The following KAT6B variants were observed in gnomAD, a reference collection of about 807,000 sequenced individuals.
KAT6B encodes histone acetyltransferase KAT6B.
KAT6B carries 10 observed loss-of-function variants against 187.5 expected under a neutral mutation model. That is an observed-to-expected ratio of 0.05 (90% CI 0.03 to 0.09). The LOEUF (loss-of-function observed/expected upper bound fraction) is 0.09. KAT6B is among the 10% of genes least tolerant of loss of function. KAT6B has a pLI of 1.00. For missense variants in KAT6B, 1,952 were observed against 2,558.9 expected (o/e 0.76, Z 5.12); for synonymous variants, 861 against 926.8 (o/e 0.93, Z 1.29).
intron 3 of KAT6B, among the ~76,000 whole-genome samples, chr10:74,941,008 C>CTG (rs1198233680): frequency 6.6e-6 from 1 of 152,180 alleles, no homozygotes; most frequent in African/African-American, 2.4e-5. Context: ...GAGTCAAAGT[C>CTG]TGTGGGTGAG....
chr10:75,008,097 AG>A (rs1214144511), intron 13 of KAT6B, among the ~76,000 whole-genome samples: 1 of 152,210 alleles, frequency 6.6e-6, no homozygotes, highest in African/African-American at 2.4e-5. Flanking sequence ...ACATAATTGA[AG>A]GGTTGTGCGT....
intron 3 of KAT6B, among the ~76,000 whole-genome samples, chr10:74,857,524 C>T (rs149115064): frequency 6.6e-6 from 1 of 152,302 alleles, no homozygotes; most frequent in East Asian, 1.9e-4. Context: ...GCCCTTATCT[C>T]ACAGTCCTTA....
rs1465345668 is a variant in KAT6B, at chr10:75,030,808, A to C, written c.5984A>C (p.Tyr1995Ser). ...NMNTLNAMNG[Y>S]SMSQPMMNSG... ...AACACTCTCAACGCCATGAATGGGT[A>C]CAGCATGTCCCAGCCAATGATGAAC... The change falls in exon 18 of 18, where the codon TAC becomes TCC. Residue 1995 changes from tyrosine to serine, a missense_variant. Tyr to Ser is a moderately radical substitution (Grantham distance 144). Around this residue, in one of 9 missense-constraint regions of KAT6B, gnomAD observed 358 missense variants for 436.3 expected, o/e 0.82. Coordinates refer to ENST00000287239, the MANE Select transcript of KAT6B (RefSeq NM_012330.4). The surrounding 1 kb of genome is among the most constrained non-coding windows in gnomAD (Gnocchi z 4.8). 4 of 1,614,130 alleles carry C rather than the reference A, an allele frequency of 2.5e-6. No homozygotes were observed. The highest frequency in any genetic ancestry group is 2.5e-6 in the Non-Finnish European group (3 of 1,180,052).
chr10:74,935,390 A>AT (rs34132437), intron 3 of KAT6B, among the ~76,000 whole-genome samples: 23 of 148,816 alleles, frequency 1.5e-4, no homozygotes, highest in Non-Finnish European at 2.2e-4. Context: ...TTTTTTTTTC[A>AT]TTTTTTTTTT....
intron 1 of KAT6B, among the ~76,000 whole-genome samples, chr10:74,830,793 T>A (rs1223455389): frequency 7.7e-5 from 7 of 90,492 alleles, no homozygotes; most frequent in African/African-American, 3.2e-4. Context: ...TTTTTTTTTT[T>A]TTTTTTTTTT....
At chr10:74,976,354 A>G (rs1692414628) in intron 8 of KAT6B, 24 bp downstream of exon 8, 5 of 1,595,444 alleles carry the variant, frequency 3.1e-6, no homozygotes, top group East Asian at 2.2e-5. Context: ...CAAAGCTCCA[A>G]CCAAACCTGC....
intron 3 of KAT6B, among the ~76,000 whole-genome samples, chr10:74,863,214 A>G (rs1843313847): frequency 6.6e-6 from 1 of 152,126 alleles, no homozygotes; most frequent in South Asian, 2.1e-4. Context: ...CTACATGTAA[A>G]TATGTATGCT....
intron 3 of KAT6B, among the ~76,000 whole-genome samples, chr10:74,928,826 A>G (rs1305930870): frequency 6.6e-6 from 1 of 152,248 alleles, no homozygotes; most frequent in Non-Finnish European, 1.5e-5. Context: ...ACAGTAAAGT[A>G]ACCCTGAAAT....
chr10:74,917,954 T>G (rs1847816574), intron 3 of KAT6B, among the ~76,000 whole-genome samples: 1 of 152,226 alleles, frequency 6.6e-6, no homozygotes, highest in Admixed American at 6.5e-5. Flanking sequence ...GCTACCTTTT[T>G]TCATTACTTT....
At chr10:74,898,585 C>G (rs944848275) in intron 3 of KAT6B, among the ~76,000 whole-genome samples, 1 of 151,978 alleles carries the variant, frequency 6.6e-6, no homozygotes, top group African/African-American at 2.4e-5. Flanking sequence ...GGGCGTTAGT[C>G]TCATGCAGTT....
chr10:74,960,888 C>T (rs912053855), intron 4 of KAT6B, among the ~76,000 whole-genome samples: 1 of 152,256 alleles, frequency 6.6e-6, no homozygotes, highest in Admixed American at 6.5e-5. Context: ...GATTGCTGCA[C>T]GTAATTTAAA....
At chr10:74,977,587 C>G (rs548562560) in intron 9 of KAT6B, 150 bp downstream of exon 9, 4 of 1,004,884 alleles carry the variant, frequency 4.0e-6, no homozygotes, top group Non-Finnish European at 4.6e-6. Flanking sequence ...ACTGACTGTA[C>G]ATTCAAAAGC....
chr10:74,854,031 A>G lies in KAT6B; in HGVS notation c.621+10553A>G, dbSNP rs190246624. ...TTCTTGGCCCTGTGCCTTAAACTACAGTAGATTAGGTGAAACTGTTCTCTG... is the reference window on the plus strand; with the variant it reads ...TTCTTGGCCCTGTGCCTTAAACTACGGTAGATTAGGTGAAACTGTTCTCTG... On this transcript the variant is annotated intron_variant, in intron 3 of 17. Coordinates refer to ENST00000287239, the MANE Select transcript of KAT6B (RefSeq NM_012330.4). Among the ~76,000 whole-genome samples the G allele has an allele frequency of 4.8e-3, 737 of 152,308 alleles. 2 individuals carry two copies. The highest frequency in any genetic ancestry group is 0.016 in the African/African-American group (650 of 41,548).
chr10:74,852,726 A>T (rs1490265047), intron 3 of KAT6B, among the ~76,000 whole-genome samples: 1 of 152,230 alleles, frequency 6.6e-6, no homozygotes, highest in African/African-American at 2.4e-5. Flanking sequence ...CATTATGTCA[A>T]GAGGATTTTT....
chr10:75,004,981 C>G (rs116331436), intron 13 of KAT6B, among the ~76,000 whole-genome samples: 1 of 151,966 alleles, frequency 6.6e-6, no homozygotes. Context: ...TCCCAAGGCA[C>G]TGGGATTACA....
intron 3 of KAT6B, among the ~76,000 whole-genome samples, chr10:74,953,360 C>T (rs996324966): frequency 2.6e-5 from 4 of 152,116 alleles, no homozygotes; most frequent in Non-Finnish European, 5.9e-5. Flanking sequence ...TTTTGCAATA[C>T]TCATAATAAT....
At chr10:74,920,589 C>G (rs1249757767) in intron 3 of KAT6B, among the ~76,000 whole-genome samples, 1 of 151,926 alleles carries the variant, frequency 6.6e-6, no homozygotes, top group East Asian at 1.9e-4. Context: ...TTAACATTTG[C>G]TAATAATACG....
intron 3 of KAT6B, among the ~76,000 whole-genome samples, chr10:74,924,318 C>T (rs1848340769): frequency 6.6e-6 from 1 of 152,072 alleles, no homozygotes; most frequent in African/African-American, 2.4e-5. Flanking sequence ...ATAAAGTGGC[C>T]ATAATACGGC....
chr10:74,828,705 C>G (rs539068900), intron 1 of KAT6B, among the ~76,000 whole-genome samples: 1 of 151,614 alleles, frequency 6.6e-6, no homozygotes, highest in African/African-American at 2.4e-5. Context: ...GTAGCTGGGA[C>G]TACAGGCGCC....
Sources: gnomAD v4.1 joint callset for allele counts (sites outside exome capture counted in the v4.1 genomes callset) on GRCh38, gnomAD v4.1.1 for gene constraint, gnomAD v4.1.1 regional missense constraint, Gnocchi (gnomAD v3.1) non-coding constraint, MANE v1.5 for transcripts, NCBI Gene and HGNC (gene_info 2026-07-23, HGNC 2026-07-21) for gene names.